BMX: variants seen among roughly 807,000 people sequenced by gnomAD.
BMX encodes cytoplasmic tyrosine-protein kinase BMX.
BMX carries 31 observed loss-of-function variants against 59.2 expected under a neutral mutation model. The observed-to-expected ratio is 0.52, with a 90% CI of 0.39 to 0.71. BMX has a LOEUF of 0.71. Among genes scored for constraint, BMX ranks in the 30% least tolerant of loss-of-function variants. BMX has a pLI of 0.00. For synonymous variants in BMX, 185 were observed against 181.0 expected (o/e 1.02, Z -0.18); for missense variants, 474 against 491.7 (o/e 0.96, Z 0.34).
At chrX:15,545,439 T>A (rs187922492) in intron 16 of BMX, among the ~76,000 whole-genome samples, 51 of 112,740 alleles carry the variant, frequency 4.5e-4, no homozygotes, top group African/African-American at 1.3e-3. Flanking sequence ...GCTGTCTGCA[T>A]GAGCAGTAGC....
intron 7 of BMX, among the ~76,000 whole-genome samples, chrX:15,523,249 A>C (rs1013405533): frequency 9.0e-6 from 1 of 111,690 alleles, no homozygotes; most frequent in African/African-American, 3.3e-5. Context: ...CCTCCTTCCT[A>C]TCATGTTGTC....
intron 14 of BMX, among the ~76,000 whole-genome samples, chrX:15,538,028 G>A (rs1925455519): frequency 9.1e-6 from 1 of 109,943 alleles, no homozygotes; most frequent in Admixed American, 9.6e-5. Flanking sequence ...TTTCCTTCTT[G>A]GTACCTTCAA....
In BMX at chrX:15,537,165, C is replaced by G; in HGVS notation, c.1254C>G (p.Thr418=). ...GIWELKREEI[T]LLKELGSGQF... Reference sequence around the variant, plus strand: ...GGGAACTGAAAAGAGAAGAGATTACCTTGTTGAAGGAGCTGGGAAGTGGCC... The same window carrying G: ...GGGAACTGAAAAGAGAAGAGATTACGTTGTTGAAGGAGCTGGGAAGTGGCC... Residue 418 remains threonine (T), a synonymous_variant, in exon 14 of 19, where the codon ACC becomes ACG. Transcript: ENST00000348343. 2 of 1,210,678 alleles carry G rather than the reference C, an allele frequency of 1.7e-6. No individual in the cohort carries two copies. Among genetic ancestry groups the G allele is most frequent in the Non-Finnish European group, 2.2e-6 (2 of 895,048 alleles).
chrX:15,537,789 A>G (rs1403950686), intron 14 of BMX, among the ~76,000 whole-genome samples: 2 of 111,236 alleles, frequency 1.8e-5, no homozygotes, highest in Non-Finnish European at 3.8e-5. Context: ...AGGAAGAGTC[A>G]GCACAGGTCC....
At chrX:15,529,472 G>T (rs1924960059) in intron 9 of BMX, among the ~76,000 whole-genome samples, 1 of 112,222 alleles carries the variant, frequency 8.9e-6, no homozygotes, top group African/African-American at 3.2e-5. Context: ...AAGCCCAAAG[G>T]CCACAGACAT....
intron 1 of BMX, among the ~76,000 whole-genome samples, chrX:15,505,976 C>G (rs1433423071): frequency 9.0e-6 from 1 of 111,021 alleles, no homozygotes; most frequent in African/African-American, 3.3e-5. Context: ...ATCGCCCAGG[C>G]TGGAGTGCAG....
At chrX:15,554,519 GT>G (rs780036565) in intron 18 of BMX, among the ~76,000 whole-genome samples, 2 of 107,800 alleles carry the variant, frequency 1.9e-5, no homozygotes, top group African/African-American at 6.7e-5. Flanking sequence ...GGGTGGGTGG[GT>G]TTTTTTTTCT....
At chrX:15,525,416 G>A in intron 8 of BMX, 51 bp downstream of exon 8, 1 of 1,106,337 alleles carries the variant, frequency 9.0e-7, no homozygotes. Context: ...TCCATTTTCA[G>A]GAAAACTAAC....
At chrX:15,531,460 T>A in intron 11 of BMX, 53 bp downstream of exon 11, 1 of 980,696 alleles carries the variant, frequency 1.0e-6, no homozygotes, top group Non-Finnish European at 1.4e-6. Flanking sequence ...ATTCTTTGAA[T>A]ATGCTGGTCA....
At chrX:15,517,901 T>C (rs1159470869) in intron 5 of BMX, 28 bp from the exon 6 acceptor site, 1 of 1,160,739 alleles carries the variant, frequency 8.6e-7, no homozygotes, top group Non-Finnish European at 1.2e-6. Flanking sequence ...TAAAGTTCCT[T>C]CTGATATTAC....
At chrX:15,546,213 A>G (rs768004832) in intron 16 of BMX, among the ~76,000 whole-genome samples, 3 of 112,208 alleles carry the variant, frequency 2.7e-5, no homozygotes, top group South Asian at 3.6e-4. Context: ...TGGTCTTGAT[A>G]TCTCCATAGG....
chrX:15,533,499 T>G (rs1925183358), intron 11 of BMX, among the ~76,000 whole-genome samples: 1 of 112,091 alleles, frequency 8.9e-6, no homozygotes, highest in Non-Finnish European at 1.9e-5. Context: ...TTATTAACTG[T>G]TTCTTATATG....
chrX:15,525,194 A>T, intron 7 of BMX, 94 bp from the exon 8 acceptor site: 1 of 839,137 alleles, frequency 1.2e-6, no homozygotes, highest in Non-Finnish European at 1.7e-6. Flanking sequence ...ATGTCAAATA[A>T]AGCTAAAACA....
chrX:15,539,191 A>G (rs1195863522), intron 14 of BMX, among the ~76,000 whole-genome samples: 2 of 110,792 alleles, frequency 1.8e-5, no homozygotes, highest in East Asian at 5.7e-4. Flanking sequence ...TTACAGGCTC[A>G]TGATGTAACC....
rs190830461 is a variant in BMX, at chrX:15,533,405, G to T, written c.1020-807G>T. 4.5e-5 allele frequency among the ~76,000 whole-genome samples: 5 copies of T among 111,368 alleles called. No individual in the cohort carries two copies. The East Asian group carries it at 1.4e-3, about 31-fold the overall frequency. On this transcript the variant is annotated intron_variant, in intron 11 of 18. Coordinates refer to ENST00000348343, the MANE Select transcript of BMX (RefSeq NM_203281.3). ...ATTTTCCTCTATGTGTCCATGTGTT[G>T]TCATCATTTATCTCCCACTTACAAG...
chrX:15,546,481 A>C (rs1351655752), intron 16 of BMX, among the ~76,000 whole-genome samples: 1 of 112,188 alleles, frequency 8.9e-6, no homozygotes, highest in East Asian at 2.8e-4. Context: ...ATAAGATCAG[A>C]AAGTACAAAG....
intron 14 of BMX, among the ~76,000 whole-genome samples, chrX:15,537,604 G>C (rs1299775653): frequency 2.7e-5 from 3 of 111,225 alleles, no homozygotes; most frequent in Admixed American, 9.5e-5. Flanking sequence ...CACCCCTCCT[G>C]CTTCTCCCCT....
chrX:15,549,584 C>A (rs1305010827), intron 17 of BMX, among the ~76,000 whole-genome samples: 1 of 111,514 alleles, frequency 9.0e-6, no homozygotes, highest in African/African-American at 3.3e-5. Flanking sequence ...GCTGCCCTTG[C>A]CATTCACCCA....
At chrX:15,505,774 A>G (rs1443603053) in intron 1 of BMX, among the ~76,000 whole-genome samples, 2 of 111,333 alleles carry the variant, frequency 1.8e-5, no homozygotes, top group East Asian at 2.8e-4. Context: ...TTTTTACTCA[A>G]TGTTCTTCCT....
Sources: gnomAD v4.1 joint callset for allele counts (sites outside exome capture counted in the v4.1 genomes callset) on GRCh38, gnomAD v4.1.1 for gene constraint, MANE v1.5 for transcripts, NCBI Gene and HGNC (gene_info 2026-07-23, HGNC 2026-07-21) for gene names.